NDUFAF6: variants seen among roughly 807,000 people sequenced by gnomAD.
NDUFAF6 encodes the protein NADH dehydrogenase (ubiquinone) complex I, assembly factor 6.
NDUFAF6 carries 45 observed loss-of-function variants against 40.8 expected under a neutral mutation model. That is an observed-to-expected ratio of 1.10 (90% CI 0.87 to 1.42). NDUFAF6 has a LOEUF of 1.42. NDUFAF6 is among the 40% of genes most tolerant of loss of function. NDUFAF6 has a pLI of 0.00. For synonymous variants in NDUFAF6, 185 were observed against 155.9 expected, an observed-to-expected ratio of 1.19 and a Z score of -1.39; for missense variants, 435 against 418.5, an observed-to-expected ratio of 1.04 and a Z score of -0.34.
intron 1 of NDUFAF6, among the ~76,000 whole-genome samples, chr8:94,976,489 A>C (rs1824950341): frequency 1.5e-5 from 2 of 129,492 alleles, no homozygotes; most frequent in Admixed American, 1.7e-4. Context: ...GTGACAGAGC[A>C]ACACTCCATC....
chr8:95,087,062 T>C (rs532663613), intron 2 of NDUFAF6, among the ~76,000 whole-genome samples: 1 of 151,954 alleles, frequency 6.6e-6, no homozygotes, highest in Non-Finnish European at 1.5e-5. Context: ...AATACAACTT[T>C]TCTTTTGCCT....
chr8:95,089,476 A>ATATG (rs58441244), intron 2 of NDUFAF6, among the ~76,000 whole-genome samples: 1 of 151,398 alleles, frequency 6.6e-6, no homozygotes, highest in Non-Finnish European at 1.5e-5. Flanking sequence ...ATATATATAT[A>ATATG]AAAGGGAGAG....
chr8:94,994,383 T>C (rs1312174218), intron 2 of NDUFAF6, among the ~76,000 whole-genome samples: 2 of 151,916 alleles, frequency 1.3e-5, no homozygotes, highest in African/African-American at 4.8e-5. Flanking sequence ...AAACCCCATC[T>C]CTACTAAAAA....
At position 94,935,894 on chromosome 8, in the gene NDUFAF6, C is replaced by CA. The variant is rs201578791; in HGVS notation, c.-935-9585dup. ...ACTTCCCCTACCTAGTACTGTAAAA[C>CA]AAAAGGCATGTAAATCTGCCCTTCA... On this transcript the variant is annotated intron_variant, in intron 1 of 14. Transcript: ENST00000396113. Among the ~76,000 whole-genome samples the CA allele has an allele frequency of 8.3e-3, 1,270 of 152,278 alleles. 22 individuals are homozygous for CA. The highest frequency in any genetic ancestry group is 0.028 in the African/African-American group (1,147 of 41,544).
intron 2 of NDUFAF6, among the ~76,000 whole-genome samples, chr8:95,102,004 T>A (rs1023932855): frequency 1.3e-5 from 2 of 152,154 alleles, no homozygotes; most frequent in South Asian, 2.1e-4. Context: ...TATTTTTTTT[T>A]TTTTATTTTT....
At chr8:95,065,394 C>A (rs1307410283) in intron 9 of NDUFAF6, among the ~76,000 whole-genome samples, 1 of 152,220 alleles carries the variant, frequency 6.6e-6, no homozygotes, top group Non-Finnish European at 1.5e-5. Context: ...AAAATTTCCA[C>A]ATATTTCTAC....
chr8:95,069,798 TATATATATATATAAATATATATATATATA>T (rs1427272170), intron 9 of NDUFAF6, among the ~76,000 whole-genome samples: 23 of 142,798 alleles, frequency 1.6e-4, no homozygotes, highest in Non-Finnish European at 3.3e-4. Context: ...AAAAAAATTA[TATATATATATATAAATATATATATATATA>T]ATATATATGT....
intron 9 of NDUFAF6, chr8:95,067,429 G>A (rs1186154058): frequency 6.6e-6 from 1 of 152,038 alleles, no homozygotes; most frequent in African/African-American, 2.4e-5. Flanking sequence ...CCACTAGCAA[G>A]TTATTATATT....
intron 1 of NDUFAF6, among the ~76,000 whole-genome samples, chr8:94,968,290 G>A (rs1235019157): frequency 8.5e-5 from 13 of 152,196 alleles, no homozygotes; most frequent in Admixed American, 7.9e-4. Flanking sequence ...TCAGATCATG[G>A]GGAACCACTT....
downstream of NDUFAF6, among the ~76,000 whole-genome samples, chr8:95,076,406 C>A (rs188077640): frequency 6.6e-6 from 1 of 152,174 alleles, no homozygotes. Context: ...TTGCCCTGGT[C>A]GTGCCAGTCT....
At chr8:95,106,206 C>T (rs959874761), downstream of NDUFAF6, among the ~76,000 whole-genome samples, 11 of 150,070 alleles carry the variant, frequency 7.3e-5, no homozygotes, top group Admixed American at 1.3e-4. Context: ...ACATGGGAGG[C>T]GGAGCTTGCA....
At chr8:95,030,109 A>G (rs1452595438) in intron 1 of NDUFAF6, among the ~76,000 whole-genome samples, 1 of 152,120 alleles carries the variant, frequency 6.6e-6, no homozygotes, top group African/African-American at 2.4e-5. Context: ...CATGTCTTCT[A>G]AATTTAGTAG....
chr8:94,951,126 T>C (rs1822574012), intron 2 of NDUFAF6: 1 of 152,248 alleles, frequency 6.6e-6, no homozygotes, highest in African/African-American at 2.4e-5. Context: ...CCACAGCTTC[T>C]GCTTTGTACT....
At chr8:94,947,916 C>T (rs1444681083) in intron 2 of NDUFAF6, among the ~76,000 whole-genome samples, 8 of 152,218 alleles carry the variant, frequency 5.3e-5, no homozygotes, top group Non-Finnish European at 1.0e-4. Context: ...TTAAAAGCTT[C>T]CCAGTGCTTT....
intron 3 of NDUFAF6, 37 bp from the exon 4 acceptor site, chr8:95,041,533 T>G (rs1830143534): frequency 1.4e-6 from 2 of 1,416,906 alleles, no homozygotes; most frequent in Non-Finnish European, 2.0e-6. Context: ...TCATTTCTAG[T>G]ACTTTCTAAA....
At chr8:94,956,285 A>G (rs1312379217), upstream of NDUFAF6, among the ~76,000 whole-genome samples, 1 of 152,180 alleles carries the variant, frequency 6.6e-6, no homozygotes, top group Non-Finnish European at 1.5e-5. Flanking sequence ...GGCAAGTGCT[A>G]TATAAGCTGG....
At chr8:95,096,274 A>T (rs1483438871), upstream of NDUFAF6, among the ~76,000 whole-genome samples, 1 of 152,184 alleles carries the variant, frequency 6.6e-6, no homozygotes, top group Non-Finnish European at 1.5e-5. Flanking sequence ...ACTGCTGGGC[A>T]AGAGACACTG....
chr8:95,092,462 G>T (rs13273307), intron 2 of NDUFAF6, among the ~76,000 whole-genome samples: 106,560 of 151,660 alleles, frequency 0.7, 38,214 homozygotes, highest in East Asian at 0.89. Context: ...AATTACAGGT[G>T]TGAGCCACCT....
intron 2 of NDUFAF6, among the ~76,000 whole-genome samples, chr8:95,094,927 A>T (rs1209031609): frequency 6.8e-6 from 1 of 146,916 alleles, no homozygotes; most frequent in Non-Finnish European, 1.5e-5. Context: ...TAATTTCTTA[A>T]TTTTTTGCAG....
Sources: allele counts gnomAD v4.1 joint callset (sites outside exome capture counted in the v4.1 genomes callset), GRCh38; gene constraint gnomAD v4.1.1; transcripts MANE v1.5; gene names NCBI Gene and HGNC (gene_info 2026-07-23, HGNC 2026-07-21).